Variants in SCNN1B observed in about 807,000 individuals in gnomAD.
SCNN1B encodes the protein epithelial sodium channel subunit beta.
Under a neutral mutation model 65.3 loss-of-function variants are expected in SCNN1B, and 46 were observed. That is an observed-to-expected ratio of 0.70 (90% CI 0.56 to 0.90). The LOEUF is 0.90. SCNN1B is among the 40% of genes least tolerant of loss of function. The pLI, the probability that SCNN1B is intolerant of heterozygous loss-of-function variation, is 0.00. For synonymous variants in SCNN1B, 349 were observed against 330.6 expected (o/e 1.06, Z -0.60); for missense variants, 751 against 830.5 (o/e 0.90, Z 1.18).
At chr16:23,286,148 A>G (rs555389337) in intron 2 of SCNN1B, among the ~76,000 whole-genome samples, 1 of 152,310 alleles carries the variant, frequency 6.6e-6, no homozygotes, top group South Asian at 2.1e-4. Context: ...TAACAAGGAA[A>G]GAATTTATTC....
At position 23,377,184 on chromosome 16, in the gene SCNN1B, A is replaced by G. The variant is rs1962917239; in HGVS notation, c.1290A>G (p.Leu430=). ...FPDWAHCYSD[L]QMSVAQRETC... ...GCGCAGCCCATTGCTACTCAGATCT[A>G]CAGATGAGCGTGGCGCAGAGAGAGA... is the stretch of plus-strand genomic sequence containing the variant. The change falls in exon 9 of 13, where the codon CTA becomes CTG. Residue 430 remains leucine, a synonymous_variant. Transcript: ENST00000343070. 2 of 1,614,178 alleles carry G rather than the reference A, an allele frequency of 1.2e-6. No individual in the cohort carries two copies. The highest frequency in any genetic ancestry group is 1.7e-6 in the Non-Finnish European group (2 of 1,180,002).
At chr16:23,369,072 C>T (rs756452672) in intron 5 of SCNN1B, among the ~76,000 whole-genome samples, 6 of 152,174 alleles carry the variant, frequency 3.9e-5, no homozygotes, top group Admixed American at 6.5e-5. Flanking sequence ...AAATACATAA[C>T]AGTCTCTTAG....
At chr16:23,344,003 G>T (rs1962134611) in intron 1 of SCNN1B, among the ~76,000 whole-genome samples, 1 of 152,228 alleles carries the variant, frequency 6.6e-6, no homozygotes, top group African/African-American at 2.4e-5. Context: ...GACCCAAGGG[G>T]CCAGACTAGT....
chr16:23,353,339 A>G (rs929484799), intron 3 of SCNN1B: 54 of 528,946 alleles, frequency 1.0e-4, no homozygotes, highest in African/African-American at 9.9e-4. Flanking sequence ...CCAGAGGTAT[A>G]CTGCATTCAG....
intron 1 of SCNN1B, among the ~76,000 whole-genome samples, chr16:23,310,311 A>C (rs1238691876): frequency 6.7e-6 from 1 of 148,262 alleles, no homozygotes; most frequent in African/African-American, 2.5e-5. Context: ...AAAAAAAAAA[A>C]AACCCACATA....
intron 1 of SCNN1B, among the ~76,000 whole-genome samples, chr16:23,330,356 C>T (rs1017845552): frequency 6.6e-6 from 1 of 152,154 alleles, no homozygotes; most frequent in South Asian, 2.1e-4. Flanking sequence ...AGCGGTTTTG[C>T]TTGGAGCATT....
intron 1 of SCNN1B, among the ~76,000 whole-genome samples, chr16:23,343,983 T>G (rs1487774469): frequency 6.6e-6 from 1 of 152,248 alleles, no homozygotes; most frequent in African/African-American, 2.4e-5. Flanking sequence ...CTGAGTTTGA[T>G]CTGGCTAATG....
At chr16:23,313,332 G>A (rs1409332529) in intron 1 of SCNN1B, among the ~76,000 whole-genome samples, 1 of 152,096 alleles carries the variant, frequency 6.6e-6, no homozygotes, top group African/African-American at 2.4e-5. Flanking sequence ...ATGGTGGCTG[G>A]GCCTGAAATG....
intron 1 of SCNN1B, among the ~76,000 whole-genome samples, chr16:23,320,697 A>G (rs996721311): frequency 1.3e-5 from 2 of 152,200 alleles, no homozygotes; most frequent in Admixed American, 6.5e-5. Context: ...GAGCTCTCAC[A>G]TTAGACACCA....
chr16:23,290,837 T>C (rs1960913906), intron 2 of SCNN1B, among the ~76,000 whole-genome samples: 1 of 152,176 alleles, frequency 6.6e-6, no homozygotes, highest in Non-Finnish European at 1.5e-5. Flanking sequence ...GCCACTTAAG[T>C]AGCAATTAAA....
intron 1 of SCNN1B, among the ~76,000 whole-genome samples, chr16:23,314,114 G>A (rs1400725186): frequency 1.1e-4 from 17 of 152,076 alleles, no homozygotes; most frequent in Non-Finnish European, 7.3e-5. Flanking sequence ...CAACATCCCA[G>A]GCTGAAGCGA....
At chr16:23,322,593 G>C (rs1210637859) in intron 1 of SCNN1B, among the ~76,000 whole-genome samples, 1 of 152,068 alleles carries the variant, frequency 6.6e-6, no homozygotes, top group Non-Finnish European at 1.5e-5. Flanking sequence ...TTACAGGCGT[G>C]AGCCACTATG....
chr16:23,339,048 C>T (rs1488504211), intron 1 of SCNN1B, among the ~76,000 whole-genome samples: 1 of 152,124 alleles, frequency 6.6e-6, no homozygotes, highest in Non-Finnish European at 1.5e-5. Flanking sequence ...CACCCAAGGC[C>T]CAGATACTTA....
chr16:23,316,166 A>G (rs931669191), intron 1 of SCNN1B, among the ~76,000 whole-genome samples: 3 of 151,296 alleles, frequency 2.0e-5, no homozygotes, highest in Non-Finnish European at 4.4e-5. Flanking sequence ...CATCACCACC[A>G]TCATCATCAT....
chr16:23,352,752 C>T, intron 2 of SCNN1B, 49 bp from the exon 3 acceptor site: 4 of 1,606,406 alleles, frequency 2.5e-6, no homozygotes, highest in Non-Finnish European at 3.4e-6. Flanking sequence ...ATTTGCTCTG[C>T]TTTACAGATA....
chr16:23,352,720 T>C, intron 2 of SCNN1B, 81 bp from the exon 3 acceptor site: 1 of 1,481,630 alleles, frequency 6.7e-7, no homozygotes, highest in Non-Finnish European at 9.4e-7. Context: ...AACAGACTAC[T>C]ATGGAGTGGG....
At chr16:23,342,148 T>C (rs868218925) in intron 1 of SCNN1B, among the ~76,000 whole-genome samples, 1 of 152,244 alleles carries the variant, frequency 6.6e-6, no homozygotes, top group Non-Finnish European at 1.5e-5. Flanking sequence ...GGATATTATT[T>C]AGCAATAGAA....
chr16:23,292,044 A>G (rs80226702), intron 2 of SCNN1B, among the ~76,000 whole-genome samples: 2,016 of 150,942 alleles, frequency 0.013, 41 homozygotes, highest in African/African-American at 0.045. Flanking sequence ...AATTACGTCA[A>G]CTCTTCCTGG....
intron 4 of SCNN1B, among the ~76,000 whole-genome samples, chr16:23,364,234 C>A (rs909033742): frequency 9.9e-5 from 15 of 152,252 alleles, no homozygotes; most frequent in African/African-American, 3.1e-4. Flanking sequence ...GTAGAAAATT[C>A]TATTACTATT....
Sources: allele counts gnomAD v4.1 joint callset (sites outside exome capture counted in the v4.1 genomes callset), GRCh38; gene constraint gnomAD v4.1.1; transcripts MANE v1.5; gene names NCBI Gene and HGNC (gene_info 2026-07-23, HGNC 2026-07-21).